GALNT13: variants seen among roughly 807,000 people sequenced by gnomAD.
The protein encoded by GALNT13 is UDP-GalNAc:polypeptide N-acetylgalactosaminyltransferase 13.
GALNT13 carries 28 observed loss-of-function variants against 64.2 expected under a neutral mutation model. The ratio of observed to expected loss-of-function variants is 0.44; its 90% CI spans 0.32 to 0.60. GALNT13 has a LOEUF of 0.60. Ranked by LOEUF, GALNT13 falls within the 20% of genes least tolerant of loss-of-function variation. The pLI, the probability that GALNT13 is intolerant of heterozygous loss-of-function variation, is 0.05. For synonymous variants in GALNT13, 214 were observed against 224.6 expected (o/e 0.95, Z 0.42); for missense variants, 577 against 669.8 (o/e 0.86, Z 1.53).
intron 3 of GALNT13, among the ~76,000 whole-genome samples, chr2:154,085,812 C>T (rs925607932): frequency 4.6e-5 from 7 of 151,800 alleles, no homozygotes; most frequent in Non-Finnish European, 5.9e-5. Flanking sequence ...CACTTCTGTC[C>T]CAGCAATTTG....
the GALNT13 span, among the ~76,000 whole-genome samples, chr2:153,554,474 T>G: frequency 6.6e-6 from 1 of 152,246 alleles, no homozygotes; most frequent in African/African-American, 2.4e-5. Context: ...TCTGATTGTG[T>G]CATGCAGTTT....
intron 4 of GALNT13, among the ~76,000 whole-genome samples, chr2:154,190,622 A>G (rs890152688): frequency 6.6e-6 from 1 of 152,224 alleles, no homozygotes; most frequent in Admixed American, 6.5e-5. Context: ...ATAGGAAACA[A>G]TGAAAAACAA....
intron 12 of GALNT13, among the ~76,000 whole-genome samples, chr2:154,439,799 C>T (rs1475680549): frequency 1.3e-5 from 2 of 152,124 alleles, no homozygotes; most frequent in Non-Finnish European, 2.9e-5. Context: ...GGGCCTAACA[C>T]TCATACAGTG....
the GALNT13 span, among the ~76,000 whole-genome samples, chr2:153,222,479 C>T: frequency 2.0e-5 from 3 of 152,102 alleles, no homozygotes; most frequent in Admixed American, 2.0e-4. Flanking sequence ...AGCCCAGCCC[C>T]CAGGCTTCAG....
chr2:154,408,925 T>A (rs1452888751), intron 10 of GALNT13, 59 bp from the exon 11 acceptor site: 1 of 1,013,554 alleles, frequency 9.9e-7, no homozygotes, highest in East Asian at 2.4e-5. Context: ...AAGGATTTGA[T>A]GACTTAAATA....
chr2:154,080,030 T>C (rs1486264138), intron 3 of GALNT13, among the ~76,000 whole-genome samples: 6 of 151,682 alleles, frequency 4.0e-5, no homozygotes, highest in Non-Finnish European at 8.9e-5. Flanking sequence ...CCCCTTTGTT[T>C]TCTAAAGGGC....
the GALNT13 span, among the ~76,000 whole-genome samples, chr2:153,742,097 G>GCTTTGTAC: frequency 1.3e-5 from 2 of 152,018 alleles, no homozygotes; most frequent in African/African-American, 4.8e-5. Context: ...CTCCTTTGAT[G>GCTTTGTAC]CTTTGTACCT....
chr2:154,375,055 C>T (rs1485741274), intron 9 of GALNT13, among the ~76,000 whole-genome samples: 2 of 152,114 alleles, frequency 1.3e-5, no homozygotes, highest in African/African-American at 2.4e-5. Context: ...GGCGCAATCT[C>T]GGCTCACTGC....
At chr2:153,254,333 A>G in the GALNT13 span, among the ~76,000 whole-genome samples, 2 of 144,470 alleles carry the variant, frequency 1.4e-5, no homozygotes, top group Non-Finnish European at 3.1e-5. Flanking sequence ...ATCATTTTTT[A>G]TTGCATCTGT....
At chr2:154,256,047 C>A (rs1335952032) in intron 7 of GALNT13, among the ~76,000 whole-genome samples, 2 of 151,478 alleles carry the variant, frequency 1.3e-5, no homozygotes, top group South Asian at 2.1e-4. Context: ...CAGAGTGAGA[C>A]CCTGTCTCAA....
intron 10 of GALNT13, among the ~76,000 whole-genome samples, chr2:154,401,205 A>G (rs539874120): frequency 5.4e-4 from 83 of 152,294 alleles, no homozygotes; most frequent in African/African-American, 1.9e-3. Context: ...GCAAATTTAC[A>G]TAATGGAAAA....
chr2:153,145,635 T>C, the GALNT13 span, among the ~76,000 whole-genome samples: 7 of 151,996 alleles, frequency 4.6e-5, no homozygotes, highest in East Asian at 1.4e-3. Context: ...AGAGATGGAT[T>C]AGGTCCAAGT....
At chr2:153,093,327 C>T in the GALNT13 span, among the ~76,000 whole-genome samples, 4 of 150,958 alleles carry the variant, frequency 2.6e-5, no homozygotes, top group Non-Finnish European at 4.4e-5. Flanking sequence ...CAACCTCCAC[C>T]TGCTGGGTTC....
the GALNT13 span, among the ~76,000 whole-genome samples, chr2:153,801,881 G>A: frequency 1.3e-5 from 2 of 152,160 alleles, no homozygotes; most frequent in Admixed American, 6.5e-5. Flanking sequence ...ATTGCTTCGT[G>A]TATTCTTTCA....
intron 3 of GALNT13, among the ~76,000 whole-genome samples, chr2:154,120,555 A>G (rs370554260): frequency 6.6e-6 from 1 of 152,068 alleles, no homozygotes; most frequent in African/African-American, 2.4e-5. Flanking sequence ...TCTGGAATGT[A>G]TGGAGGTAGA....
At chr2:153,970,673 C>A (rs1396883073) in intron 3 of GALNT13, among the ~76,000 whole-genome samples, 2 of 152,236 alleles carry the variant, frequency 1.3e-5, no homozygotes, top group African/African-American at 4.8e-5. Context: ...CTCAAACTTA[C>A]CATATCCAAA....
At chr2:153,920,466 A>G (rs148566799) in intron 2 of GALNT13, among the ~76,000 whole-genome samples, 90 of 152,182 alleles carry the variant, frequency 5.9e-4, no homozygotes, top group African/African-American at 1.9e-3. Context: ...TCTTTATACT[A>G]CATAAAAATA....
In GALNT13 at chr2:154,258,972, T is replaced by C. The variant is rs780290585; in HGVS notation, c.858-49T>C. On this transcript the variant is annotated intron_variant, in intron 7 of 12. Transcript: ENST00000392825. The stretch of plus-strand genomic sequence containing the variant: ...CGTGCTACAGTCTCATTAAACTCCA[T>C]ACATTGTTTTCAAAAGATATTCTTT... 3 of 969,352 alleles carry C rather than the reference T, an allele frequency of 3.1e-6. No individual in the cohort carries two copies. In the South Asian group the frequency reaches 4.0e-5, roughly 13 times the overall value. 60.0% of individuals were successfully genotyped at this position (969,352 alleles called of 1,614,324 possible).
At chr2:153,634,894 A>AT in the GALNT13 span, among the ~76,000 whole-genome samples, 94 of 146,768 alleles carry the variant, frequency 6.4e-4, no homozygotes, top group East Asian at 2.0e-3. Flanking sequence ...ACTGCTATAG[A>AT]TTTTTTTTTT....
Sources: gnomAD v4.1 joint callset for allele counts (sites outside exome capture counted in the v4.1 genomes callset) on GRCh38, gnomAD v4.1.1 for gene constraint, MANE v1.5 for transcripts, NCBI Gene and HGNC (gene_info 2026-07-23, HGNC 2026-07-21) for gene names.